CCDC93: variants seen among roughly 807,000 people sequenced by gnomAD.
CCDC93 encodes CCC complex scaffolding subunit CCDC93, also known as coiled-coil domain-containing protein 93.
CCDC93 carries 61 observed loss-of-function variants against 108.2 expected under a neutral mutation model. The observed-to-expected ratio is 0.56, with a 90% CI of 0.46 to 0.70. The LOEUF is 0.70. Among genes scored for constraint, CCDC93 ranks in the 30% least tolerant of loss-of-function variants. The pLI is 0.00. For missense variants in CCDC93, 685 were observed against 764.2 expected (o/e 0.90, Z 1.22); for synonymous variants, 276 against 260.4 (o/e 1.06, Z -0.58).
intron 1 of CCDC93, 41 bp downstream of exon 1, chr2:118,013,913 C>T: frequency 6.5e-7 from 1 of 1,537,942 alleles, no homozygotes; most frequent in Non-Finnish European, 8.8e-7. Context: ...GCCCTCTCTT[C>T]AGGAACCCCG....
intron 23 of CCDC93, among the ~76,000 whole-genome samples, chr2:117,923,647 C>T (rs1419187386): frequency 6.9e-6 from 1 of 144,020 alleles, no homozygotes; most frequent in East Asian, 2.0e-4. Flanking sequence ...CTCACCGCAG[C>T]ACAAGGAGGC....
intron 4 of CCDC93, 100 bp downstream of exon 4, chr2:118,000,721 C>T (rs576293452): frequency 2.4e-5 from 17 of 703,312 alleles, no homozygotes; most frequent in Non-Finnish European, 4.0e-5. Flanking sequence ...ACACCCATTA[C>T]ATTCAGGATC....
intron 11 of CCDC93, among the ~76,000 whole-genome samples, chr2:117,965,931 A>C (rs994369451): frequency 6.6e-6 from 1 of 152,252 alleles, no homozygotes; most frequent in Non-Finnish European, 1.5e-5. Context: ...GTATTAATTT[A>C]AAAATATATT....
intron 10 of CCDC93, among the ~76,000 whole-genome samples, chr2:117,974,236 A>G (rs1038061191): frequency 3.9e-5 from 6 of 152,006 alleles, no homozygotes; most frequent in African/African-American, 1.5e-4. Context: ...GACCCTGGGC[A>G]CCCCTGGAAA....
intron 1 of CCDC93, chr2:118,012,575 A>C (rs1256966393): frequency 6.6e-6 from 1 of 152,270 alleles, no homozygotes; most frequent in African/African-American, 2.4e-5. Flanking sequence ...AGAAGTCTAC[A>C]GCAAAAGGCC....
intron 12 of CCDC93, among the ~76,000 whole-genome samples, chr2:117,955,416 A>AC (rs1437960248): frequency 1.2e-4 from 19 of 152,224 alleles, no homozygotes; most frequent in African/African-American, 4.6e-4. Flanking sequence ...GTAGAAGTAA[A>AC]TTGATAAAAT....
intron 18 of CCDC93, 48 bp downstream of exon 18, chr2:117,943,976 T>A (rs535011655): frequency 7.7e-7 from 1 of 1,291,406 alleles, no homozygotes; most frequent in South Asian, 1.4e-5. Context: ...AGGACATTTA[T>A]ACCTAGTTAG....
intron 7 of CCDC93, among the ~76,000 whole-genome samples, chr2:117,981,288 A>G (rs1348293651): frequency 6.6e-6 from 1 of 152,204 alleles, no homozygotes; most frequent in Non-Finnish European, 1.5e-5. Context: ...TTGCTGCATG[A>G]ATGAAGAGTC....
Position 117,977,873 on chromosome 2 carries a change from C to T in CCDC93, c.657+121G>A, listed in dbSNP as rs1679993122. ...AGGACGGAGATGCAGGGGCCAAAGG[C>T]AGCTCACACATCCCTGGGTTTCCCA... On this transcript the variant is annotated intron_variant, in intron 8 of 23. Transcript: ENST00000376300. The T allele has an allele frequency of 4.7e-6, 4 of 842,446 alleles. No homozygotes were observed. The African/African-American group carries it at 6.8e-5, about 14-fold the overall frequency. The allele number at this position is 842,446 out of a possible 1,614,324, so 52.2% of individuals were successfully genotyped here.
chr2:117,975,002 T>C (rs1452245022), intron 9 of CCDC93, 102 bp from the exon 10 acceptor site: 1 of 1,135,994 alleles, frequency 8.8e-7, no homozygotes, highest in Non-Finnish European at 1.3e-6. Flanking sequence ...AAGGGTGTCT[T>C]CCTTGATCTC....
In CCDC93 at chr2:117,919,336, A is replaced by AAAAC. The variant is rs1019486152; in HGVS notation, c.*1003_*1006dup. ...TTTTAATCATAGTGTATTTTCATTT[A>AAAAC]AAACAGTCTTCCTATCAACATCCGA... On this transcript the variant is annotated 3_prime_UTR_variant, in exon 24 of 24. Coordinates refer to ENST00000376300, the MANE Select transcript of CCDC93 (RefSeq NM_019044.5). 1 of 152,216 alleles carries AAAAC rather than the reference A, an allele frequency of 6.6e-6. No individual in the cohort carries two copies. Among genetic ancestry groups the AAAAC allele is most frequent in the African/African-American group, 2.4e-5 (1 of 41,434 alleles). The allele number at this position is 152,216 out of a possible 1,614,324, so 9.4% of individuals were successfully genotyped here.
chr2:117,931,269 C>A (rs1678318603), intron 22 of CCDC93, 119 bp from the exon 23 acceptor site: 1 of 656,000 alleles, frequency 1.5e-6, no homozygotes, highest in Middle Eastern at 2.6e-4. Flanking sequence ...GTAGAGGAAG[C>A]TTCAATATAT....
chr2:117,951,804 T>C (rs2104745512), intron 13 of CCDC93: 4 of 507,276 alleles, frequency 7.9e-6, no homozygotes, highest in South Asian at 1.8e-4. Context: ...GCAGCGACAA[T>C]GCTGATGTGA....
chr2:117,990,805 A>ATATAGTACAATGCCATTTTTTT (rs1003752218), intron 6 of CCDC93, among the ~76,000 whole-genome samples: 9 of 152,268 alleles, frequency 5.9e-5, no homozygotes, highest in Non-Finnish European at 1.2e-4. Flanking sequence ...AAAACAGAAT[A>ATATAGTACAATGCCATTTTTTT]TATAGTACAA....
intron 11 of CCDC93, among the ~76,000 whole-genome samples, chr2:117,959,537 TGAG>T (rs1679324476): frequency 6.6e-6 from 1 of 152,216 alleles, no homozygotes; most frequent in African/African-American, 2.4e-5. Context: ...AAAGTGAGAA[TGAG>T]GAGAAATTGG....
intron 4 of CCDC93, chr2:117,997,139 T>G (rs1223803983): frequency 1.3e-5 from 2 of 152,194 alleles, no homozygotes; most frequent in Admixed American, 1.3e-4. Context: ...TTCCCAGCTT[T>G]GTTAGGCTGA....
At chr2:117,965,581 C>A (rs890056561) in intron 11 of CCDC93, among the ~76,000 whole-genome samples, 1 of 152,300 alleles carries the variant, frequency 6.6e-6, no homozygotes, top group East Asian at 1.9e-4. Context: ...ATATCAACAA[C>A]TTTTCTTTGG....
At chr2:117,965,198 T>C (rs887660354) in intron 11 of CCDC93, among the ~76,000 whole-genome samples, 22 of 144,062 alleles carry the variant, frequency 1.5e-4, no homozygotes, top group Non-Finnish European at 3.0e-5. Context: ...CAATAGGAGG[T>C]TTCCAAGAGA....
intron 7 of CCDC93, chr2:117,985,427 A>G (rs973595514): frequency 2.1e-6 from 2 of 973,258 alleles, no homozygotes; most frequent in Non-Finnish European, 2.4e-6. Flanking sequence ...AATGCGTGAC[A>G]TAAAAGGTTA....
Sources: allele counts gnomAD v4.1 joint callset (sites outside exome capture counted in the v4.1 genomes callset), GRCh38; gene constraint gnomAD v4.1.1; transcripts MANE v1.5; gene names NCBI Gene and HGNC (gene_info 2026-07-23, HGNC 2026-07-21).